The following TRPM3 variants were observed in gnomAD, a reference collection of about 807,000 sequenced individuals.
The protein encoded by TRPM3 is long transient receptor potential channel 3.
TRPM3 carries 77 observed loss-of-function variants against 181.2 expected under a neutral mutation model. That is an observed-to-expected ratio of 0.42 (90% CI 0.35 to 0.51). The LOEUF is 0.51. TRPM3 is among the 20% of genes least tolerant of loss of function. The pLI is 0.01. For synonymous variants in TRPM3, 745 were observed against 796.4 expected, an observed-to-expected ratio of 0.94 and a Z score of 1.09; for missense variants, 1,759 against 2,196.7, an observed-to-expected ratio of 0.80 and a Z score of 3.98.
intron 1 of TRPM3, among the ~76,000 whole-genome samples, chr9:70,994,902 T>C (rs891250866): frequency 3.9e-5 from 6 of 152,236 alleles, no homozygotes; most frequent in African/African-American, 1.4e-4. Context: ...TGGCCTGGGA[T>C]GGTCACCTCT....
At chr9:70,997,848 T>C (rs936049751) in intron 1 of TRPM3, among the ~76,000 whole-genome samples, 2 of 152,270 alleles carry the variant, frequency 1.3e-5, no homozygotes, top group East Asian at 3.9e-4. Context: ...TTCCTGATCT[T>C]CTTGTGTGCC....
At chr9:70,977,054 A>C (rs112921046) in intron 1 of TRPM3, among the ~76,000 whole-genome samples, 6 of 152,250 alleles carry the variant, frequency 3.9e-5, no homozygotes, top group Non-Finnish European at 8.8e-5. Context: ...TTTAAGAAAC[A>C]TATGTGATAC....
chr9:70,783,929 A>G, intron 7 of TRPM3, 176 bp downstream of exon 7: 1 of 1,363,236 alleles, frequency 7.3e-7, no homozygotes, highest in Non-Finnish European at 9.5e-7. Flanking sequence ...GGACATTTAG[A>G]ATATGTTTCT....
At chr9:71,312,612 A>G (rs956106120) in intron 1 of TRPM3, among the ~76,000 whole-genome samples, 2 of 152,180 alleles carry the variant, frequency 1.3e-5, no homozygotes, top group Non-Finnish European at 2.9e-5. Context: ...GGATGTTTGT[A>G]ACAGCTTTAT....
chr9:71,084,855 A>T (rs1565159948), intron 1 of TRPM3, among the ~76,000 whole-genome samples: 1 of 152,110 alleles, frequency 6.6e-6, no homozygotes, highest in South Asian at 2.1e-4. Flanking sequence ...AGACAGTGAC[A>T]TCACGTTACC....
At chr9:70,908,329 A>T (rs934904125) in intron 1 of TRPM3, among the ~76,000 whole-genome samples, 1 of 152,206 alleles carries the variant, frequency 6.6e-6, no homozygotes, top group African/African-American at 2.4e-5. Context: ...ATATTAAATC[A>T]TTTCAATAGA....
chr9:71,305,976 T>TGAA (rs1485707387), intron 1 of TRPM3, among the ~76,000 whole-genome samples: 4 of 152,166 alleles, frequency 2.6e-5, no homozygotes, highest in Non-Finnish European at 5.9e-5. Flanking sequence ...AAGGGTGCTT[T>TGAA]GTTGTACACA....
chr9:70,619,223 CTGTT>C, intron 16 of TRPM3, 128 bp from the exon 17 acceptor site: 1 of 717,554 alleles, frequency 1.4e-6, no homozygotes, highest in East Asian at 2.7e-5. Flanking sequence ...GGGGTCTAGT[CTGTT>C]TGTAAATTCA....
At chr9:71,280,779 AC>A (rs1345037754) in intron 1 of TRPM3, among the ~76,000 whole-genome samples, 3 of 152,146 alleles carry the variant, frequency 2.0e-5, no homozygotes, top group African/African-American at 7.2e-5. Flanking sequence ...ACACATACAC[AC>A]ACACAAATGC....
intron 1 of TRPM3, among the ~76,000 whole-genome samples, chr9:71,161,442 A>T (rs1587714241): frequency 6.6e-6 from 1 of 152,146 alleles, no homozygotes; most frequent in Non-Finnish European, 1.5e-5. Flanking sequence ...AAGGACCCAT[A>T]TCAGATTATT....
chr9:71,084,806 A>T (rs2133813854), intron 1 of TRPM3, among the ~76,000 whole-genome samples: 1 of 152,186 alleles, frequency 6.6e-6, no homozygotes, highest in East Asian at 1.9e-4. Context: ...ACCAGAAAAG[A>T]GCCTGAACAG....
chr9:70,769,685 C>T (rs2079845758), intron 7 of TRPM3, among the ~76,000 whole-genome samples: 1 of 152,148 alleles, frequency 6.6e-6, no homozygotes, highest in African/African-American at 2.4e-5. Flanking sequence ...GCTCTGATTA[C>T]TGCTCCCTTG....
chr9:70,800,022 T>C (rs555403167), intron 6 of TRPM3, among the ~76,000 whole-genome samples: 1 of 152,358 alleles, frequency 6.6e-6, no homozygotes, highest in Admixed American at 6.5e-5. Context: ...GTCATTTCTG[T>C]TTCTGACATT....
chr9:71,171,361 T>G (rs988517591), intron 1 of TRPM3, among the ~76,000 whole-genome samples: 9 of 152,102 alleles, frequency 5.9e-5, no homozygotes, highest in Non-Finnish European at 1.0e-4. Flanking sequence ...CTTTTGAAAA[T>G]CCCTAATAAA....
chr9:70,697,931 G>C (rs891886221), intron 8 of TRPM3, among the ~76,000 whole-genome samples: 1 of 152,166 alleles, frequency 6.6e-6, no homozygotes, highest in Non-Finnish European at 1.5e-5. Context: ...TTTCCTTGTG[G>C]CTGGGCTGGC....
At chr9:70,624,449 T>C (rs921768941) in intron 14 of TRPM3, among the ~76,000 whole-genome samples, 1 of 152,196 alleles carries the variant, frequency 6.6e-6, no homozygotes, top group Non-Finnish European at 1.5e-5. Flanking sequence ...CTGGCTAGAC[T>C]AGTGAATTTC....
intron 1 of TRPM3, among the ~76,000 whole-genome samples, chr9:71,171,887 G>C (rs550556666): frequency 7.4e-6 from 1 of 134,834 alleles, no homozygotes; most frequent in Admixed American, 7.8e-5. Flanking sequence ...GGAGGGGGAG[G>C]GTGTTAGGGT....
At chr9:71,260,239 T>C (rs1339886473) in intron 1 of TRPM3, among the ~76,000 whole-genome samples, 1 of 152,212 alleles carries the variant, frequency 6.6e-6, no homozygotes, top group South Asian at 2.1e-4. Context: ...CATTGGTCTA[T>C]ACATCTGTTT....
chr9:70,970,194 G>A (rs538060366), intron 1 of TRPM3, among the ~76,000 whole-genome samples: 1 of 152,202 alleles, frequency 6.6e-6, no homozygotes, highest in Admixed American at 6.5e-5. Context: ...GAATTTTAGA[G>A]TTAATGTATG....
Sources: allele counts gnomAD v4.1 joint callset (sites outside exome capture counted in the v4.1 genomes callset), GRCh38; gene constraint gnomAD v4.1.1; transcripts MANE v1.5; gene names NCBI Gene and HGNC (gene_info 2026-07-23, HGNC 2026-07-21).